The following MYO1B variants were observed in gnomAD, a reference collection of about 807,000 sequenced individuals.
MYO1B encodes unconventional myosin-Ib.
A neutral mutation model predicts 159.7 loss-of-function variants in MYO1B; 72 were observed. The ratio of observed to expected loss-of-function variants is 0.45; its 90% CI spans 0.37 to 0.55. MYO1B has a LOEUF of 0.55. Ranked by LOEUF, MYO1B falls within the 20% of genes least tolerant of loss-of-function variation. MYO1B has a pLI of 0.00. For missense variants in MYO1B, 1,062 were observed against 1,364.8 expected, an observed-to-expected ratio of 0.78 and a Z score of 3.50; for synonymous variants, 468 against 473.8, an observed-to-expected ratio of 0.99 and a Z score of 0.16.
In MYO1B at chr2:191,292,997, A is replaced by G. The variant is rs73981545; in HGVS notation, c.136-3114A>G. Among the ~76,000 whole-genome samples, 758 of 152,300 alleles carry G rather than the reference A, an allele frequency of 5.0e-3. 9 individuals are homozygous for G. The highest frequency in any genetic ancestry group is 0.017 in the African/African-American group (715 of 41,558). ...GTTTAAGATGGCCTCACTCATGTCT[A>G]ATAGTTAGTGTAGCAGGCTGTAGGT... On this transcript the variant is annotated intron_variant, in intron 2 of 30. Coordinates refer to ENST00000392318, the MANE Select transcript of MYO1B (RefSeq NM_001130158.3).
intron 1 of MYO1B, among the ~76,000 whole-genome samples, chr2:191,249,407 G>A (rs1485593048): frequency 6.6e-6 from 1 of 152,232 alleles, no homozygotes; most frequent in African/African-American, 2.4e-5. Context: ...AGTATCCTCT[G>A]AGATCATCAA....
At chr2:191,250,676 G>A (rs770365169) in intron 1 of MYO1B, among the ~76,000 whole-genome samples, 1 of 152,174 alleles carries the variant, frequency 6.6e-6, no homozygotes, top group Non-Finnish European at 1.5e-5. Context: ...CTCATGCTGG[G>A]TACTTTCTGT....
chr2:191,390,853 A>C (rs1695702942), intron 18 of MYO1B, among the ~76,000 whole-genome samples: 1 of 152,242 alleles, frequency 6.6e-6, no homozygotes, highest in African/African-American at 2.4e-5. Context: ...CTGCAGAGAG[A>C]ATCAGTGGAT....
chr2:191,392,922 C>T, intron 19 of MYO1B, 151 bp from the exon 20 acceptor site: 3 of 612,204 alleles, frequency 4.9e-6, no homozygotes, highest in South Asian at 2.5e-5. Flanking sequence ...GACCATTATC[C>T]ATATCATATA....
intron 11 of MYO1B, among the ~76,000 whole-genome samples, chr2:191,365,035 T>TTG (rs1048229338): frequency 6.6e-5 from 10 of 152,194 alleles, no homozygotes; most frequent in African/African-American, 2.4e-4. Context: ...TCTTTAGTCT[T>TTG]TGTAAGACAC....
chr2:191,298,089 A>G (rs114934940), intron 3 of MYO1B, among the ~76,000 whole-genome samples: 1,871 of 152,350 alleles, frequency 0.012, 26 homozygotes, highest in African/African-American at 0.042. Context: ...ATTAAGGAAC[A>G]TATATATACC....
intron 1 of MYO1B, among the ~76,000 whole-genome samples, chr2:191,252,739 T>C (rs1218032608): frequency 6.6e-6 from 1 of 152,172 alleles, no homozygotes; most frequent in Non-Finnish European, 1.5e-5. Flanking sequence ...TAGGGAGATA[T>C]CCGTCTCTCC....
chr2:191,268,534 T>C (rs576995927), intron 1 of MYO1B, among the ~76,000 whole-genome samples: 3 of 152,198 alleles, frequency 2.0e-5, no homozygotes, highest in Non-Finnish European at 4.4e-5. Flanking sequence ...GGAATGGTTA[T>C]TGACACTGGT....
chr2:191,399,132 G>A (rs571604840), intron 21 of MYO1B, among the ~76,000 whole-genome samples: 12 of 152,276 alleles, frequency 7.9e-5, no homozygotes, highest in South Asian at 6.2e-4. Flanking sequence ...CAGGCGTGGC[G>A]GCACGCACCT....
At chr2:191,246,553 C>A (rs1416062701) in intron 1 of MYO1B, among the ~76,000 whole-genome samples, 1 of 148,996 alleles carries the variant, frequency 6.7e-6, no homozygotes, top group Non-Finnish European at 1.5e-5. Flanking sequence ...GAAAGAAGCC[C>A]CCCCCCCTTT....
At chr2:191,360,751 G>GTTGTTGTTGTTGTTGT in intron 8 of MYO1B, 22 bp downstream of exon 8, 2 of 1,117,816 alleles carry the variant, frequency 1.8e-6, no homozygotes, top group South Asian at 1.4e-5. Context: ...TTTCTATGTG[G>GTTGTTGTTGTTGTTGT]TGTTGTTGTT....
intron 4 of MYO1B, among the ~76,000 whole-genome samples, chr2:191,332,245 G>T (rs979878516): frequency 1.3e-5 from 2 of 148,360 alleles, no homozygotes. Context: ...TTACAGGCGC[G>T]AGCCACCATG....
chr2:191,378,360 A>G (rs1694841325), intron 13 of MYO1B, among the ~76,000 whole-genome samples: 1 of 152,080 alleles, frequency 6.6e-6, no homozygotes, highest in Admixed American at 6.6e-5. Flanking sequence ...GTCTGAAAAG[A>G]GAGTCAGCAA....
chr2:191,397,307 G>T (rs1278143409), intron 21 of MYO1B, among the ~76,000 whole-genome samples: 12 of 147,332 alleles, frequency 8.1e-5, no homozygotes, highest in Admixed American at 7.4e-4. Flanking sequence ...GTGAACAAAG[G>T]TCTCTGGTTT....
rs114156170 is a variant in MYO1B at position 191,279,807 on chromosome 2, A to G, written c.135+2777A>G. ...TTAAGGTCTTATAGCTTCATTTTAT[A>G]TTATAAAAATGGGTGACTCTCTAGG... On this transcript the variant is annotated intron_variant, in intron 2 of 30. Coordinates refer to ENST00000392318, the MANE Select transcript of MYO1B (RefSeq NM_001130158.3). Among the ~76,000 whole-genome samples the G allele has an allele frequency of 7.2e-3, 1,089 of 152,298 alleles. 13 individuals carry two copies. Among genetic ancestry groups the G allele is most frequent in the African/African-American group, 0.025 (1,036 of 41,564 alleles).
chr2:191,369,634 G>T lies in MYO1B; in HGVS notation c.1119+6G>T. The T allele has an allele frequency of 6.2e-7, 1 of 1,604,108 alleles. No homozygotes were observed. The highest frequency in any genetic ancestry group is 1.1e-5 in the South Asian group (1 of 90,684). Reference sequence around the variant, plus strand: ...GAATCAATGAAAGCATTAAGGTACTGAATTTCTATGAGCAAAATCAGTTGT... The same window carrying T: ...GAATCAATGAAAGCATTAAGGTACTTAATTTCTATGAGCAAAATCAGTTGT... On this transcript the variant is annotated splice_donor_region_variant and intron_variant, in intron 12 of 30. Transcript: ENST00000392318.
chr2:191,374,107 T>C (rs1694550331), intron 13 of MYO1B, among the ~76,000 whole-genome samples: 1 of 152,210 alleles, frequency 6.6e-6, no homozygotes, highest in African/African-American at 2.4e-5. Flanking sequence ...GATGCCAGCC[T>C]ATATTTTCCT....
rs1483721243 is a variant in MYO1B at position 191,408,909 on chromosome 2, A to G, written c.2632-135A>G. On this transcript the variant is annotated intron_variant, in intron 25 of 30. Coordinates refer to ENST00000392318, the MANE Select transcript of MYO1B (RefSeq NM_001130158.3). Reference sequence around the variant, plus strand: ...AAAGAGTGGAGTAGAGACTTCCCAGATGAGTTACAGTTCTATAAATTCCAA... The same window carrying G: ...AAAGAGTGGAGTAGAGACTTCCCAGGTGAGTTACAGTTCTATAAATTCCAA... 3.3e-6 allele frequency: 3 copies of G among 910,710 alleles called. No homozygotes were observed. In the African/African-American group the frequency reaches 5.1e-5, roughly 16 times the overall value. The allele number at this position is 910,710 out of a possible 1,614,324, so 56.4% of individuals were successfully genotyped here.
Position 191,414,660 on chromosome 2 carries a change from C to A in MYO1B, c.3150C>A (p.His1050Gln). 1.9e-6 allele frequency: 3 copies of A among 1,609,554 alleles called. No homozygotes were observed. The highest frequency in any genetic ancestry group is 2.5e-6 in the Non-Finnish European group (3 of 1,178,618). The change falls in exon 29 of 31, where the codon CAC becomes CAA. Residue 1050 changes from histidine to glutamine, a missense_variant. This residue lies in a region of MYO1B where 609 missense variants were observed against 744.4 expected (regional missense o/e 0.82). Transcript: ENST00000392318. ...AAAATGATGGCTTCTTCGCCGTCCA[C>A]CTCAAAGAGGTAAAGGTTCAACAGA... ...SSQNDGFFAV[H>Q]LKEGSEAASK...
Sources: gnomAD v4.1 joint callset for allele counts (sites outside exome capture counted in the v4.1 genomes callset) on GRCh38, gnomAD v4.1.1 for gene constraint, gnomAD v4.1.1 regional missense constraint, MANE v1.5 for transcripts, NCBI Gene and HGNC (gene_info 2026-07-23, HGNC 2026-07-21) for gene names.